Variants in TRPM3 observed in about 807,000 individuals in gnomAD.
TRPM3 encodes long transient receptor potential channel 3.
TRPM3 carries 77 observed loss-of-function variants against 181.2 expected under a neutral mutation model. The observed-to-expected ratio is 0.42, with a 90% CI of 0.35 to 0.51. The LOEUF is 0.51. Ranked by LOEUF, TRPM3 falls within the 20% of genes least tolerant of loss-of-function variation. The pLI, the probability that TRPM3 is intolerant of heterozygous loss-of-function variation, is 0.01. For synonymous variants in TRPM3, 745 were observed against 796.4 expected, an observed-to-expected ratio of 0.94 and a Z score of 1.09; for missense variants, 1,759 against 2,196.7, an observed-to-expected ratio of 0.80 and a Z score of 3.98.
intron 1 of TRPM3, among the ~76,000 whole-genome samples, chr9:71,347,226 T>A (rs2091349758): frequency 6.6e-6 from 1 of 152,186 alleles, no homozygotes; most frequent in East Asian, 1.9e-4. Flanking sequence ...TTAACCATGA[T>A]AGCAAATGTA....
intron 1 of TRPM3, among the ~76,000 whole-genome samples, chr9:71,010,796 A>T (rs569265898): frequency 6.6e-6 from 1 of 152,106 alleles, no homozygotes; most frequent in Non-Finnish European, 1.5e-5. Context: ...AAAGAAATGA[A>T]ATTGGTTATG....
intron 1 of TRPM3, among the ~76,000 whole-genome samples, chr9:71,438,222 T>C (rs969632868): frequency 6.6e-6 from 1 of 152,164 alleles, no homozygotes; most frequent in African/African-American, 2.4e-5. Context: ...GGGAAAACCA[T>C]AGACTAAAAA....
intron 1 of TRPM3, among the ~76,000 whole-genome samples, chr9:71,147,428 C>CACAG (rs1167701644): frequency 6.7e-6 from 1 of 148,190 alleles, no homozygotes; most frequent in East Asian, 2.0e-4. Flanking sequence ...CACACAGACA[C>CACAG]ACACACACAC....
chr9:70,647,689 CA>C (rs1441420409), intron 9 of TRPM3, among the ~76,000 whole-genome samples: 1 of 152,096 alleles, frequency 6.6e-6, no homozygotes, highest in African/African-American at 2.4e-5. Context: ...AAGCCCTTGA[CA>C]GAGCAATCAG....
chr9:70,940,069 G>T (rs2096870686), intron 1 of TRPM3, among the ~76,000 whole-genome samples: 1 of 152,134 alleles, frequency 6.6e-6, no homozygotes, highest in Admixed American at 6.5e-5. Context: ...GTTCCTGCAG[G>T]TGCTGGAGCC....
chr9:70,924,510 C>A (rs2096700031), intron 1 of TRPM3, among the ~76,000 whole-genome samples: 1 of 152,074 alleles, frequency 6.6e-6, no homozygotes. Flanking sequence ...ACATTCTTGA[C>A]CATAAATCTA....
At chr9:70,683,208 C>A (rs1462787596) in intron 8 of TRPM3, among the ~76,000 whole-genome samples, 1 of 152,058 alleles carries the variant, frequency 6.6e-6, no homozygotes, top group African/African-American at 2.4e-5. Flanking sequence ...AATGCCTTCA[C>A]AGATATTTGA....
intron 8 of TRPM3, among the ~76,000 whole-genome samples, chr9:70,741,529 T>C (rs963410404): frequency 1.2e-4 from 19 of 152,164 alleles, no homozygotes; most frequent in African/African-American, 4.6e-4. Flanking sequence ...TGCATCTTTT[T>C]AGCAGCACAA....
At chr9:71,098,921 C>T (rs1435927901) in intron 1 of TRPM3, among the ~76,000 whole-genome samples, 1 of 152,116 alleles carries the variant, frequency 6.6e-6, no homozygotes, top group African/African-American at 2.4e-5. Context: ...CATTGCTACA[C>T]TTCCTTCTCT....
chr9:71,253,444 G>A (rs1314579225), intron 1 of TRPM3, among the ~76,000 whole-genome samples: 1 of 152,154 alleles, frequency 6.6e-6, no homozygotes. Context: ...TAGAAATGCT[G>A]CTAACCATCA....
intron 1 of TRPM3, among the ~76,000 whole-genome samples, chr9:71,384,354 T>G (rs1377422413): frequency 2.0e-5 from 3 of 152,194 alleles, no homozygotes; most frequent in Admixed American, 6.5e-5. Flanking sequence ...ACAAATGGAA[T>G]CCCTTATTTT....
intron 1 of TRPM3, among the ~76,000 whole-genome samples, chr9:71,337,575 C>G (rs2090648694): frequency 6.6e-6 from 1 of 152,166 alleles, no homozygotes; most frequent in Non-Finnish European, 1.5e-5. Context: ...AATTCCATTA[C>G]TGGGTATATA....
intron 7 of TRPM3, among the ~76,000 whole-genome samples, chr9:70,766,245 T>A (rs961590722): frequency 6.6e-6 from 1 of 152,202 alleles, no homozygotes; most frequent in Non-Finnish European, 1.5e-5. Context: ...AGTTTGCTAT[T>A]AGTATTCTGT....
rs780191456 is a variant in TRPM3 at position 71,389,050 on chromosome 9, G to A, written c.183+57603C>T. Among the ~76,000 whole-genome samples, 12 of 151,932 alleles carry A rather than the reference G, an allele frequency of 7.9e-5. No homozygotes were observed. The South Asian group carries it at 8.3e-4, about 11-fold the overall frequency. On this transcript the variant is annotated intron_variant, in intron 1 of 24. Coordinates refer to the TRPM3 transcript ENST00000357533. ...CAAACGAAATTCAAACAACCCATCC[G>A]GAAAACTTATTTAGAAGAAAATCTT...
At chr9:70,621,729 A>G (rs1480616153) in intron 14 of TRPM3, among the ~76,000 whole-genome samples, 1 of 152,176 alleles carries the variant, frequency 6.6e-6, no homozygotes, top group Admixed American at 6.5e-5. Context: ...TATGGCGTTT[A>G]TTTTATTTTG....
chr9:71,446,610 G>C, intron 1 of TRPM3: 1 of 1,536,710 alleles, frequency 6.5e-7, no homozygotes, highest in East Asian at 2.5e-5. Context: ...CGTGCGAAGG[G>C]AGAAAAGAAA....
intron 1 of TRPM3, among the ~76,000 whole-genome samples, chr9:71,256,879 C>A (rs1386019824): frequency 6.6e-6 from 1 of 151,894 alleles, no homozygotes; most frequent in East Asian, 1.9e-4. Context: ...TATTCCAGAG[C>A]AAACTGTACT....
intron 1 of TRPM3, among the ~76,000 whole-genome samples, chr9:71,385,702 AT>A (rs2092907400): frequency 6.6e-6 from 1 of 152,006 alleles, no homozygotes. Context: ...GGAATATTTT[AT>A]TTTATTTTTT....
At chr9:71,251,864 T>A (rs957219610) in intron 1 of TRPM3, among the ~76,000 whole-genome samples, 1 of 152,146 alleles carries the variant, frequency 6.6e-6, no homozygotes, top group Non-Finnish European at 1.5e-5. Context: ...CCCACCATCC[T>A]CTCCACCTTC....
Sources: gnomAD v4.1 joint callset for allele counts (sites outside exome capture counted in the v4.1 genomes callset) on GRCh38, gnomAD v4.1.1 for gene constraint, MANE v1.5 for transcripts, NCBI Gene and HGNC (gene_info 2026-07-23, HGNC 2026-07-21) for gene names.